CDH10: variants seen among roughly 807,000 people sequenced by gnomAD.
CDH10 encodes the protein cadherin 10.
Under a neutral mutation model 73.1 loss-of-function variants are expected in CDH10, and 30 were observed. That is an observed-to-expected ratio of 0.41 (90% CI 0.31 to 0.56). The LOEUF is 0.56. CDH10 is among the 20% of genes least tolerant of loss of function. The pLI is 0.27. For missense variants in CDH10, 815 were observed against 973.7 expected (o/e 0.84, Z 2.17); for synonymous variants, 345 against 348.2 (o/e 0.99, Z 0.10).
At chr5:24,560,266 C>T (rs1468822236) in intron 2 of CDH10, among the ~76,000 whole-genome samples, 2 of 150,702 alleles carry the variant, frequency 1.3e-5, no homozygotes, top group Admixed American at 6.6e-5. Context: ...ACATTCTACA[C>T]ATTTCCTCTG....
At chr5:24,523,282 G>C (rs1471376173) in intron 5 of CDH10, among the ~76,000 whole-genome samples, 1 of 152,030 alleles carries the variant, frequency 6.6e-6, no homozygotes, top group African/African-American at 2.4e-5. Context: ...GAGTAATAAA[G>C]TTGTTATCTG....
chr5:24,528,381 C>T (rs1447065643), intron 5 of CDH10, among the ~76,000 whole-genome samples: 1 of 151,896 alleles, frequency 6.6e-6, no homozygotes, highest in African/African-American at 2.4e-5. Flanking sequence ...CCTACATTAC[C>T]TTGGGATCCC....
At chr5:24,507,053 T>A (rs542322006) in intron 7 of CDH10, among the ~76,000 whole-genome samples, 114 of 152,176 alleles carry the variant, frequency 7.5e-4, no homozygotes, top group Middle Eastern at 3.2e-3. Flanking sequence ...TCCATTTTCC[T>A]TTCTAAAATA....
intron 1 of CDH10, among the ~76,000 whole-genome samples, chr5:24,618,587 A>ATCTCCTTAATTTTATCT (rs1470599253): frequency 1.1e-4 from 17 of 152,232 alleles, no homozygotes; most frequent in South Asian, 2.1e-4. Context: ...TATCTGACAT[A>ATCTCCTTAATTTTATCT]GAGATTTCAA....
chr5:24,523,811 T>C (rs1263179639), intron 5 of CDH10, among the ~76,000 whole-genome samples: 1 of 152,180 alleles, frequency 6.6e-6, no homozygotes, highest in Non-Finnish European at 1.5e-5. Flanking sequence ...TAATTTTTAC[T>C]ACTTTCAAGA....
intron 5 of CDH10, among the ~76,000 whole-genome samples, chr5:24,533,329 A>T (rs1051248765): frequency 6.3e-4 from 95 of 151,662 alleles, no homozygotes; most frequent in Non-Finnish European, 3.4e-4. Context: ...TCACTCTCAA[A>T]AATAATAATA....
chr5:24,519,048 G>C (rs1323657106), intron 5 of CDH10, among the ~76,000 whole-genome samples: 7 of 151,600 alleles, frequency 4.6e-5, no homozygotes, highest in Admixed American at 4.0e-4. Flanking sequence ...GCACCACCAT[G>C]CCTGGCTAAT....
intron 1 of CDH10, among the ~76,000 whole-genome samples, chr5:24,619,692 T>C (rs1193469421): frequency 2.0e-5 from 3 of 152,202 alleles, no homozygotes; most frequent in Admixed American, 1.3e-4. Flanking sequence ...AAAACATTCA[T>C]ATGTTGGAAT....
chr5:24,586,843 CTTTT>C (rs1001227038), intron 2 of CDH10, among the ~76,000 whole-genome samples: 7 of 102,774 alleles, frequency 6.8e-5, no homozygotes, highest in Non-Finnish European at 3.8e-5. Context: ...AGCCCATATT[CTTTT>C]TTTTTTTTTT....
intron 2 of CDH10, among the ~76,000 whole-genome samples, chr5:24,570,002 G>A (rs1745313675): frequency 6.6e-6 from 1 of 151,970 alleles, no homozygotes; most frequent in Non-Finnish European, 1.5e-5. Flanking sequence ...CTAACCTCAG[G>A]TGATCTGCCC....
At chr5:24,604,060 A>C (rs770619572) in intron 1 of CDH10, among the ~76,000 whole-genome samples, 7 of 152,188 alleles carry the variant, frequency 4.6e-5, no homozygotes, top group Non-Finnish European at 8.8e-5. Flanking sequence ...AAAAATAAAA[A>C]TTAAAAATGT....
At chr5:24,491,208 G>T (rs557518384) in intron 11 of CDH10, among the ~76,000 whole-genome samples, 3 of 152,258 alleles carry the variant, frequency 2.0e-5, no homozygotes, top group South Asian at 2.1e-4. Flanking sequence ...TGGCTACCAA[G>T]AATTTTGTGT....
intron 5 of CDH10, among the ~76,000 whole-genome samples, chr5:24,531,768 G>A (rs1743761588): frequency 6.6e-6 from 1 of 152,084 alleles, no homozygotes; most frequent in Non-Finnish European, 1.5e-5. Context: ...TGGGAACACA[G>A]CCAAACCATA....
At chr5:24,601,771 C>A (rs781066340) in intron 1 of CDH10, among the ~76,000 whole-genome samples, 2 of 151,708 alleles carry the variant, frequency 1.3e-5, no homozygotes, top group Non-Finnish European at 2.9e-5. Context: ...GGAAGGAAAG[C>A]TTGAATGGGT....
chr5:24,500,648 T>A (rs1742459190), intron 8 of CDH10, among the ~76,000 whole-genome samples: 1 of 152,246 alleles, frequency 6.6e-6, no homozygotes, highest in Admixed American at 6.5e-5. Flanking sequence ...AAGTAGAACC[T>A]CTAATCTCAC....
rs368697805 is a variant in CDH10, at chr5:24,632,001, A to C, written c.-124+12593T>G. Among the ~76,000 whole-genome samples, 25 of 152,198 alleles carry C rather than the reference A, an allele frequency of 1.6e-4. No individual in the cohort carries two copies. The East Asian group carries it at 3.7e-3, about 22-fold the overall frequency. On this transcript the variant is annotated intron_variant, in intron 1 of 11. Transcript: ENST00000264463. ...TACATTTTTTGCCTTAAGTTAGTGG[A>C]AAATGAAAAGCAGTTCAAAAATGGT...
chr5:24,528,433 G>C (rs1363062557), intron 5 of CDH10, among the ~76,000 whole-genome samples: 1 of 151,822 alleles, frequency 6.6e-6, no homozygotes, highest in Non-Finnish European at 1.5e-5. Context: ...GTGAAAATCA[G>C]CACTTATTAA....
chr5:24,603,736 G>A (rs1746652210), intron 1 of CDH10, among the ~76,000 whole-genome samples: 1 of 151,636 alleles, frequency 6.6e-6, no homozygotes, highest in Non-Finnish European at 1.5e-5. Flanking sequence ...AAATGCTAAC[G>A]TTTCCCCCGT....
intron 1 of CDH10, among the ~76,000 whole-genome samples, chr5:24,622,096 C>T (rs759631138): frequency 3.3e-5 from 5 of 152,112 alleles, no homozygotes; most frequent in Non-Finnish European, 1.5e-5. Flanking sequence ...ATCTCATTTA[C>T]TTGGGTTGAG....
Sources: allele counts gnomAD v4.1 joint callset (sites outside exome capture counted in the v4.1 genomes callset), GRCh38; gene constraint gnomAD v4.1.1; transcripts MANE v1.5; gene names NCBI Gene and HGNC (gene_info 2026-07-23, HGNC 2026-07-21).